CTNNA3: variants seen among roughly 807,000 people sequenced by gnomAD.
CTNNA3 encodes catenin alpha 3, also known as catenin alpha-3.
Under a neutral mutation model 95.7 loss-of-function variants are expected in CTNNA3, and 76 were observed. The observed-to-expected ratio is 0.79, with a 90% CI of 0.66 to 0.96. The LOEUF (loss-of-function observed/expected upper bound fraction) is 0.96. Among genes scored for constraint, CTNNA3 ranks in the 40% least tolerant of loss-of-function variants. The pLI is 0.00. For synonymous variants in CTNNA3, 431 were observed against 374.4 expected (o/e 1.15, Z -1.74); for missense variants, 1,191 against 1,089.8 (o/e 1.09, Z -1.31).
chr10:67,622,730 C>A (rs1843887070), intron 2 of CTNNA3, among the ~76,000 whole-genome samples: 1 of 152,166 alleles, frequency 6.6e-6, no homozygotes, highest in African/African-American at 2.4e-5. Flanking sequence ...TTAAGAAATA[C>A]TATAGCCTAG....
At chr10:67,567,136 T>C (rs997001921) in intron 3 of CTNNA3, among the ~76,000 whole-genome samples, 6 of 151,518 alleles carry the variant, frequency 4.0e-5, no homozygotes, top group Middle Eastern at 3.4e-3. Flanking sequence ...CTAACCTGCA[T>C]GTTGTGCACA....
At chr10:66,844,053 C>T (rs1843164393) in intron 7 of CTNNA3, among the ~76,000 whole-genome samples, 1 of 152,172 alleles carries the variant, frequency 6.6e-6, no homozygotes, top group Non-Finnish European at 1.5e-5. Flanking sequence ...TCGGAAAATA[C>T]CAAGCTTGTA....
intron 7 of CTNNA3, among the ~76,000 whole-genome samples, chr10:66,846,645 GA>G (rs1009340494): frequency 6.6e-5 from 10 of 151,474 alleles, no homozygotes; most frequent in Non-Finnish European, 1.3e-4. Flanking sequence ...GTATAGCTAT[GA>G]AAAAAAAGAA....
At position 67,591,727 on chromosome 10, in the gene CTNNA3, T is replaced by C. The variant is rs1042656850; in HGVS notation, c.292+15130A>G. Among the ~76,000 whole-genome samples, 4 of 151,984 alleles carry C rather than the reference T, an allele frequency of 2.6e-5. No individual in the cohort carries two copies. The South Asian group carries it at 6.2e-4, about 24-fold the overall frequency. On this transcript the variant is annotated intron_variant, in intron 3 of 17. Transcript: ENST00000433211. ...AAAAATATTAAATGCATAATCATAA[T>C]TTGAAAAGACATGTAAGAGAAGAAG...
chr10:67,398,618 T>G (rs1844803770), intron 5 of CTNNA3, among the ~76,000 whole-genome samples: 1 of 152,086 alleles, frequency 6.6e-6, no homozygotes, highest in African/African-American at 2.4e-5. Context: ...GACACAAGAT[T>G]TGGGAGGAGC....
At chr10:66,653,411 A>G (rs1845976055) in intron 9 of CTNNA3, among the ~76,000 whole-genome samples, 1 of 152,090 alleles carries the variant, frequency 6.6e-6, no homozygotes, top group South Asian at 2.1e-4. Context: ...ACGAGGTAAA[A>G]GACCTGTGGA....
intron 5 of CTNNA3, among the ~76,000 whole-genome samples, chr10:67,518,488 G>T (rs1247018597): frequency 6.6e-6 from 1 of 152,100 alleles, no homozygotes; most frequent in East Asian, 1.9e-4. Context: ...ATGCATGCAG[G>T]TCTGAAGTAC....
intron 15 of CTNNA3, among the ~76,000 whole-genome samples, chr10:66,033,782 T>A (rs1015929118): frequency 6.6e-6 from 1 of 152,176 alleles, no homozygotes; most frequent in South Asian, 2.1e-4. Context: ...CCCAACCAGA[T>A]GACATTTTTT....
At chr10:67,750,738 G>T (rs1317817473) in intron 1 of CTNNA3, 10 of 1,586,672 alleles carry the variant, frequency 6.3e-6, no homozygotes, top group Non-Finnish European at 8.7e-6. Context: ...TGGATGAGGG[G>T]CTGGTGAAAG....
chr10:67,341,331 C>T (rs1038367869), intron 5 of CTNNA3, among the ~76,000 whole-genome samples: 2 of 152,020 alleles, frequency 1.3e-5, no homozygotes, highest in Non-Finnish European at 2.9e-5. Context: ...TCCATCTCTG[C>T]GTCACCTCCC....
At chr10:67,600,469 T>C (rs1843052457) in intron 3 of CTNNA3, among the ~76,000 whole-genome samples, 1 of 152,144 alleles carries the variant, frequency 6.6e-6, no homozygotes, top group African/African-American at 2.4e-5. Flanking sequence ...ACAAAAGGAC[T>C]CATATCTAGA....
intron 7 of CTNNA3, among the ~76,000 whole-genome samples, chr10:66,956,995 G>C (rs905748487): frequency 6.6e-6 from 1 of 152,158 alleles, no homozygotes; most frequent in South Asian, 2.1e-4. Flanking sequence ...TAAAACCATG[G>C]AATGTAGAAG....
intron 6 of CTNNA3, among the ~76,000 whole-genome samples, chr10:67,203,024 A>T (rs1020451078): frequency 2.8e-4 from 42 of 152,256 alleles, no homozygotes; most frequent in African/African-American, 1.0e-3. Context: ...ACTAACTCCA[A>T]AAAAAGGTAT....
chr10:66,506,653 T>C (rs1840460134), intron 11 of CTNNA3, among the ~76,000 whole-genome samples: 1 of 152,172 alleles, frequency 6.6e-6, no homozygotes, highest in Non-Finnish European at 1.5e-5. Flanking sequence ...GCAAATTCTG[T>C]GTATTTTTCT....
At chr10:67,385,172 C>T (rs1410923013) in intron 5 of CTNNA3, among the ~76,000 whole-genome samples, 1 of 152,112 alleles carries the variant, frequency 6.6e-6, no homozygotes, top group Non-Finnish European at 1.5e-5. Context: ...GTGAATGCTA[C>T]CAAAAAAGGG....
rs190235450 is a variant in CTNNA3 at position 67,294,998 on chromosome 10, T to G, written c.580-75128A>C. Among the ~76,000 whole-genome samples the G allele has an allele frequency of 2.2e-3, 337 of 152,288 alleles. 5 individuals carry two copies. Among genetic ancestry groups the G allele is most frequent in the Admixed American group, 4.8e-3 (73 of 15,294 alleles). On this transcript the variant is annotated intron_variant, in intron 5 of 17. Transcript: ENST00000433211. ...AAAGTGACACAATAAAAATGAGTAC[T>G]CGTTGAATTAAATGCCTTCAACAAC... is the stretch of plus-strand genomic sequence containing the variant.
rs532796984 is a variant in CTNNA3, at chr10:66,456,145, A to AAAT, written c.1531+64471_1531+64472insATT. 3.4e-3 allele frequency among the ~76,000 whole-genome samples: 515 copies of AAAT among 152,306 alleles called. 1 individual carries two copies. Among genetic ancestry groups the AAAT allele is most frequent in the African/African-American group, 0.01 (416 of 41,580 alleles). ...AAATTTAGATTTATTGAAATTCCAA[A>AAAT]CAAAATCCCAGCAGAACTTTATAGA... On this transcript the variant is annotated intron_variant, in intron 11 of 17. Coordinates refer to ENST00000433211, the MANE Select transcript of CTNNA3 (RefSeq NM_013266.4).
At chr10:67,018,659 C>A (rs1364340602) in intron 7 of CTNNA3, among the ~76,000 whole-genome samples, 2 of 152,182 alleles carry the variant, frequency 1.3e-5, no homozygotes, top group South Asian at 2.1e-4. Flanking sequence ...ACCTACTAGC[C>A]TTTTTAACCG....
chr10:67,341,658 G>C (rs937750353), intron 5 of CTNNA3, among the ~76,000 whole-genome samples: 9 of 151,986 alleles, frequency 5.9e-5, no homozygotes, highest in East Asian at 3.9e-4. Flanking sequence ...AACAAACATG[G>C]GAGTCCAGAT....
Sources: gnomAD v4.1 joint callset for allele counts (sites outside exome capture counted in the v4.1 genomes callset) on GRCh38, gnomAD v4.1.1 for gene constraint, MANE v1.5 for transcripts, NCBI Gene and HGNC (gene_info 2026-07-23, HGNC 2026-07-21) for gene names.